TTC21A: variants seen among roughly 807,000 people sequenced by gnomAD.
TTC21A encodes the protein tetratricopeptide repeat protein 21A.
In TTC21A, 128 loss-of-function variants were observed where a neutral mutation model predicts 156.4. That is an observed-to-expected ratio of 0.82 (90% CI 0.71 to 0.95). The LOEUF is 0.95. Among genes scored for constraint, TTC21A ranks in the 40% least tolerant of loss-of-function variants. TTC21A has a pLI of 0.00. For missense variants in TTC21A, 1,435 were observed against 1,602.3 expected (o/e 0.90, Z 1.78); for synonymous variants, 587 against 617.1 (o/e 0.95, Z 0.72).
rs761985124 is a variant in TTC21A at position 39,137,665 on chromosome 3, C to T, written c.3630C>T (p.Phe1210=). 2.4e-5 allele frequency: 39 copies of T among 1,613,842 alleles called. No homozygotes were observed. The highest frequency in any genetic ancestry group is 5.3e-5 in the African/African-American group (4 of 74,912). ...LADIYCQGSK[F]DLALELLRRC... is the part of the protein sequence containing the mutation. The stretch of plus-strand genomic sequence containing the variant: ...ACATTTACTGCCAGGGCAGCAAGTT[C>T]GACCTCGCCTTAGAACTGCTGCGGC... Residue 1210 remains phenylalanine (F), a synonymous_variant, in exon 26 of 29, where the codon TTC becomes TTT. Transcript: ENST00000683103.
intron 2 of TTC21A, 91 bp from the exon 3 acceptor site, chr3:39,109,938 G>A: frequency 1.1e-6 from 1 of 871,308 alleles, no homozygotes; most frequent in Admixed American, 2.0e-5. Context: ...AGTCCAGCAG[G>A]TAGTAGTGCT....
At position 39,138,710 on chromosome 3, in the gene TTC21A, G is replaced by C; in HGVS notation, c.3865-1G>C. 3 of 1,614,118 alleles carry C rather than the reference G, an allele frequency of 1.9e-6. No homozygotes were observed. The highest frequency in any genetic ancestry group is 2.5e-6 in the Non-Finnish European group (3 of 1,180,004). The stretch of plus-strand genomic sequence containing the variant: ...GCACACCCATTCTCTCTCTGTTCCA[G>C]GTCCTCAGGGAGCACCCCGACTACC... On this transcript the variant is annotated splice_acceptor_variant, in intron 28 of 28. Transcript: ENST00000683103. LOFTEE classifies it high-confidence loss of function.
chr3:39,110,996 G>T lies in TTC21A; in HGVS notation c.414G>T (p.Lys138Asn), dbSNP rs761350179. Residue 138 changes from lysine to asparagine, a missense_variant, in exon 4 of 29, where the codon AAG (lysine) becomes AAT (asparagine). Coordinates refer to ENST00000683103, the MANE Select transcript of TTC21A (RefSeq NM_001366900.1). ...AAGAGTACATTGACCGCATGCTGAA[G>T]ATTTCTAGAGGCTTCAGAGAGGTAC... is the stretch of plus-strand genomic sequence containing the variant. ...KAKEYIDRML[K>N]ISRGFREAYV... 6.2e-7 allele frequency: 1 copy of T among 1,611,674 alleles called. No individual in the cohort carries two copies. Among genetic ancestry groups the T allele is most frequent in the Non-Finnish European group, 8.5e-7 (1 of 1,178,664 alleles).
rs2038141242 is a variant in TTC21A, at chr3:39,125,412, A to G, written c.1272A>G (p.Ala424=). 1.2e-6 allele frequency: 2 copies of G among 1,613,886 alleles called. No individual in the cohort carries two copies. Among genetic ancestry groups the G allele is most frequent in the African/African-American group, 1.3e-5 (1 of 74,938 alleles). The change falls in exon 11 of 29, where the codon GCA becomes GCG. Residue 424 remains alanine (A), a synonymous_variant. Transcript: ENST00000683103. ...AGACCACAGCGCTCCTGAAGGAGGC[A>G]GTGGAGCTTCACTTCTCCAGCATGC... ...EEETTALLKE[A]VELHFSSMQG... is the part of the protein sequence containing the mutation.
In TTC21A at chr3:39,136,510, G is replaced by C; in HGVS notation, c.3095+3G>C. 6.2e-7 allele frequency: 1 copy of C among 1,613,946 alleles called. No individual in the cohort carries two copies. On this transcript the variant is annotated splice_donor_region_variant and intron_variant, in intron 23 of 28. Transcript: ENST00000683103. ...TACTGCAGAGGTATCTACTGCTGGTGAGTTGGGTGTGGTGTGTTGAGGGGC... is the reference window on the plus strand; with the variant it reads ...TACTGCAGAGGTATCTACTGCTGGTCAGTTGGGTGTGGTGTGTTGAGGGGC...
chr3:39,118,036 T>C (rs746361757), intron 6 of TTC21A, 33 bp from the exon 7 acceptor site: 1 of 1,523,978 alleles, frequency 6.6e-7, no homozygotes. Flanking sequence ...CTATCAATAC[T>C]CTCAATTCAT....
rs779417349 is a variant in TTC21A at position 39,125,386 on chromosome 3, G to T, written c.1246G>T (p.Glu416Ter). ...GTCCAGGAAGCACAAGGGGGAGGAA[G>T]AGACCACAGCGCTCCTGAAGGAGGC... ...LMSRKHKGEE[E>*]TTALLKEAVE... The change falls in exon 11 of 29, where the codon GAG (glutamate) becomes TAG (stop). Residue 416 changes from glutamate (E) to a stop codon, truncating the protein, a stop_gained. Coordinates refer to ENST00000683103, the MANE Select transcript of TTC21A (RefSeq NM_001366900.1). LOFTEE classifies it high-confidence loss of function. The T allele has an allele frequency of 1.9e-6, 3 of 1,614,204 alleles. No homozygotes were observed. Among genetic ancestry groups the T allele is most frequent in the South Asian group, 2.2e-5 (2 of 91,072 alleles).
chr3:39,116,151 G>A (rs2125774284), intron 6 of TTC21A, among the ~76,000 whole-genome samples: 1 of 152,394 alleles, frequency 6.6e-6, no homozygotes, highest in Non-Finnish European at 1.5e-5. Flanking sequence ...CATGTGCAGG[G>A]AGACAGTGTG....
intron 10 of TTC21A, 22 bp from the exon 11 acceptor site, chr3:39,125,310 G>A (rs1238450585): frequency 6.2e-7 from 1 of 1,611,084 alleles, no homozygotes; most frequent in East Asian, 2.2e-5. Flanking sequence ...TTGGCACTGA[G>A]ACTCGGTCCT....
At chr3:39,110,685 G>T (rs1202931689) in intron 3 of TTC21A, among the ~76,000 whole-genome samples, 166 bp from the exon 4 acceptor site, 1 of 152,236 alleles carries the variant, frequency 6.6e-6, no homozygotes, top group Non-Finnish European at 1.5e-5. Flanking sequence ...AGGTACTGCT[G>T]GTTTCCAGGC....
chr3:39,130,300 A>G lies in TTC21A; in HGVS notation c.2261A>G (p.Asp754Gly), dbSNP rs1326124814. Residue 754 changes from aspartate to glycine, a missense_variant, in exon 17 of 29, where the codon GAC (aspartate) becomes GGC (glycine). Transcript: ENST00000683103. This position sits in a 1 kb window ranked among gnomAD's most constrained non-coding sequence, Gnocchi z 4.5. ...YDEAYRQNPH[D>G]ASLASRIGHA... ...GAGGCCTATAGACAGAACCCACATG[A>G]CGCCTCCCTGGCCAGCAGAATTGGG... The G allele has an allele frequency of 4.3e-6, 7 of 1,613,802 alleles. No homozygotes were observed. The highest frequency in any genetic ancestry group is 5.9e-6 in the Non-Finnish European group (7 of 1,179,958).
Position 39,128,876 on chromosome 3 carries a change from C to A in TTC21A, c.1840C>A (p.Gln614Lys). 6.2e-7 allele frequency: 1 copy of A among 1,614,184 alleles called. No individual in the cohort carries two copies. The highest frequency in any genetic ancestry group is 1.7e-5 in the Admixed American group (1 of 60,028). The change falls in exon 14 of 29, where the codon CAG (glutamine) becomes AAG (lysine). Residue 614 changes from glutamine (Q) to lysine (K), a missense_variant. Gln to Lys is a moderately conservative substitution (Grantham distance 53). Coordinates refer to ENST00000683103, the MANE Select transcript of TTC21A (RefSeq NM_001366900.1). ...CCTCAGGCCCTCTGTGCAGCCTAGC[C>A]AGCGGGCATCCATCTTATTGGAACT... ...KFLRPSVQPS[Q>K]RASILLELVE...
rs777202225 is a variant in TTC21A, at chr3:39,121,105, A to G, written c.1009A>G (p.Ile337Val). 1.7e-5 allele frequency: 28 copies of G among 1,614,006 alleles called. 1 individual carries two copies. In the South Asian group the frequency reaches 2.4e-4, roughly 14 times the overall value. ...GGCCACAGAACTGGGCTATCTCTTC[A>G]TCCTGAAGAACCAAGTGAAAGAGGC... The part of the protein sequence containing the change: ...HVATELGYLF[I>V]LKNQVKEALL... The change falls in exon 9 of 29, where the codon ATC becomes GTC. Residue 337 changes from isoleucine to valine, a missense_variant. Coordinates refer to ENST00000683103, the MANE Select transcript of TTC21A (RefSeq NM_001366900.1).
At chr3:39,110,164 G>T (rs747642508) in intron 3 of TTC21A, 25 bp downstream of exon 3, 2 of 1,570,026 alleles carry the variant, frequency 1.3e-6, no homozygotes, top group Non-Finnish European at 1.8e-6. Context: ...GCTCAACCAG[G>T]CCTGACCCAC....
intron 13 of TTC21A, 31 bp from the exon 14 acceptor site, chr3:39,128,686 G>A: frequency 1.2e-6 from 2 of 1,606,838 alleles, no homozygotes; most frequent in Non-Finnish European, 1.7e-6. Flanking sequence ...GCAGTGAACT[G>A]GAGCCCCACA....
In TTC21A at chr3:39,128,417, A is replaced by G. The variant is rs771102216; in HGVS notation, c.1609A>G (p.Ile537Val). The change falls in exon 13 of 29, where the codon ATC (isoleucine) becomes GTC (valine). Residue 537 changes from isoleucine (I) to valine (V), a missense_variant. Physicochemically the swap from Ile to Val is conservative, Grantham distance 29. Transcript: ENST00000683103. ...SVDAHLLMCQ[I>V]YLAQGNFGMC... ...GGATGCCCATCTCCTCATGTGTCAG[A>G]TCTACTTGGCTCAGGGCAACTTTGG... 3.1e-6 allele frequency: 5 copies of G among 1,614,162 alleles called. No individual in the cohort carries two copies. The highest frequency in any genetic ancestry group is 3.4e-6 in the Non-Finnish European group (4 of 1,180,036).
chr3:39,115,535 G>A (rs981489758), intron 6 of TTC21A, among the ~76,000 whole-genome samples: 1 of 151,980 alleles, frequency 6.6e-6, no homozygotes, highest in Non-Finnish European at 1.5e-5. Flanking sequence ...GCATGGTGGT[G>A]TGCACCTGAA....
At position 39,130,202 on chromosome 3, in the gene TTC21A, TC is replaced by T; in HGVS notation, c.2209-44del. 6.2e-7 allele frequency: 1 copy of T among 1,609,928 alleles called. No individual in the cohort carries two copies. The highest frequency in any genetic ancestry group is 8.5e-7 in the Non-Finnish European group (1 of 1,176,946). ...CCAAGTGGCCCCCCAGTCTCCCTTCTCCAGTGGGAGAGAAGAGGAAGACCCA... is the reference window on the plus strand; with the variant it reads ...CCAAGTGGCCCCCCAGTCTCCCTTCTCAGTGGGAGAGAAGAGGAAGACCCA... On this transcript the variant is annotated intron_variant, in intron 16 of 28. Coordinates refer to ENST00000683103, the MANE Select transcript of TTC21A (RefSeq NM_001366900.1). This position sits in a 1 kb window ranked among gnomAD's most constrained non-coding sequence, Gnocchi z 4.5.
At chr3:39,109,002 A>C in intron 1 of TTC21A, 83 bp from the exon 2 acceptor site, 1 of 1,453,944 alleles carries the variant, frequency 6.9e-7, no homozygotes, top group Non-Finnish European at 9.5e-7. Context: ...GGGATAGGGA[A>C]GGGAGCAGGT....
Sources: allele counts gnomAD v4.1 joint callset (sites outside exome capture counted in the v4.1 genomes callset), GRCh38; gene constraint gnomAD v4.1.1; non-coding constraint Gnocchi (gnomAD v3.1); transcripts MANE v1.5; gene names NCBI Gene and HGNC (gene_info 2026-07-23, HGNC 2026-07-21).